The following POLN variants were observed in gnomAD, a reference collection of about 807,000 sequenced individuals.
POLN encodes the protein DNA polymerase N.
In POLN, 108 loss-of-function variants were observed where a neutral mutation model predicts 113.5. The ratio of observed to expected loss-of-function variants is 0.95; its 90% CI spans 0.81 to 1.12. The LOEUF (loss-of-function observed/expected upper bound fraction) is 1.12, where lower values mean the gene tolerates loss of function less well. Ranked by LOEUF, POLN falls within the 50% of genes most tolerant of loss-of-function variation. The pLI is 0.00. For missense variants in POLN, 1,097 were observed against 1,077.1 expected, an observed-to-expected ratio of 1.02 and a Z score of -0.26; for synonymous variants, 386 against 391.5, an observed-to-expected ratio of 0.99 and a Z score of 0.17.
chr4:2,122,874 C>T (rs567909987), intron 19 of POLN, among the ~76,000 whole-genome samples: 35 of 152,196 alleles, frequency 2.3e-4, no homozygotes, highest in African/African-American at 7.9e-4. Flanking sequence ...GCACACAGAC[C>T]AGGGGCGGTA....
chr4:2,220,912 A>G (rs1484322390), intron 3 of POLN, among the ~76,000 whole-genome samples: 1 of 152,228 alleles, frequency 6.6e-6, no homozygotes, highest in African/African-American at 2.4e-5. Flanking sequence ...ATAACTATAC[A>G]AAAAGATCTG....
chr4:2,150,860 A>T (rs1296060272), intron 16 of POLN, among the ~76,000 whole-genome samples: 2 of 152,202 alleles, frequency 1.3e-5, no homozygotes, highest in Admixed American at 6.5e-5. Flanking sequence ...AAAGCCCAAA[A>T]CTATAATACG....
At chr4:2,170,988 T>G (rs1732846766) in intron 12 of POLN, 110 bp downstream of exon 12, 1 of 1,078,606 alleles carries the variant, frequency 9.3e-7, no homozygotes, top group Non-Finnish European at 1.4e-6. Flanking sequence ...CATGAAAAAC[T>G]TACTTTTCAG....
intron 8 of POLN, among the ~76,000 whole-genome samples, chr4:2,176,798 C>A (rs1577743526): frequency 6.6e-6 from 1 of 152,236 alleles, no homozygotes; most frequent in South Asian, 2.1e-4. Flanking sequence ...CACAGAGGCC[C>A]TGGGAGATGA....
At chr4:2,081,541 C>T (rs1383386773) in intron 22 of POLN, 92 bp downstream of exon 22, 9 of 1,223,666 alleles carry the variant, frequency 7.4e-6, no homozygotes, top group Middle Eastern at 1.9e-4. Flanking sequence ...GGAAATACCG[C>T]AACAGTGATC....
chr4:2,228,170 T>C (rs559083314), intron 3 of POLN: 9 of 158,966 alleles, frequency 5.7e-5, no homozygotes, highest in African/African-American at 2.2e-4. Context: ...TACCTTATTT[T>C]GTAGAAAGAG....
intron 18 of POLN, among the ~76,000 whole-genome samples, chr4:2,128,958 G>A (rs1237757512): frequency 3.3e-5 from 5 of 151,638 alleles, no homozygotes; most frequent in African/African-American, 1.2e-4. Flanking sequence ...GGGAGGTTGA[G>A]GCAGGAGAAT....
intron 8 of POLN, among the ~76,000 whole-genome samples, chr4:2,178,121 A>G (rs1271150997): frequency 6.6e-6 from 1 of 152,256 alleles, no homozygotes; most frequent in Non-Finnish European, 1.5e-5. Context: ...GATGAAGTAC[A>G]TGAGGCAAAT....
chr4:2,195,846 T>C (rs911598733), intron 6 of POLN, among the ~76,000 whole-genome samples: 1 of 152,170 alleles, frequency 6.6e-6, no homozygotes, highest in Non-Finnish European at 1.5e-5. Context: ...TTTTAGCCAC[T>C]AAATGTGGAA....
chr4:2,174,869 T>C (rs143875382), intron 9 of POLN, 118 bp from the exon 10 acceptor site: 8 of 701,792 alleles, frequency 1.1e-5, no homozygotes, highest in African/African-American at 9.1e-5. Context: ...GCTGCCCAGG[T>C]TGGAGTGCAG....
At chr4:2,215,379 G>A (rs1379758566) in intron 3 of POLN, among the ~76,000 whole-genome samples, 1 of 152,158 alleles carries the variant, frequency 6.6e-6, no homozygotes, top group African/African-American at 2.4e-5. Context: ...CCACCTCTGT[G>A]ATGAAGGTTT....
chr4:2,142,492 C>A (rs929912932), intron 16 of POLN, among the ~76,000 whole-genome samples: 3 of 152,198 alleles, frequency 2.0e-5, no homozygotes, highest in African/African-American at 7.2e-5. Flanking sequence ...TCCCAAGATA[C>A]AACTAAAACC....
In POLN at chr4:2,170,752, A is replaced by C; in HGVS notation, c.1481T>G (p.Leu494Arg). 1 of 1,614,208 alleles carries C rather than the reference A, an allele frequency of 6.2e-7. No individual in the cohort carries two copies. The change falls in exon 13 of 26, where the codon CTG becomes CGG. Residue 494 changes from leucine (L) to arginine (R), a missense_variant. Leu to Arg is a moderately radical substitution (Grantham distance 102, BLOSUM62 -2). Coordinates refer to ENST00000511885, the MANE Select transcript of POLN (RefSeq NM_181808.4). ...ACTGTTCCTTTGACTCAGCAGGTGC[A>C]GCTTTAACTTGCCAAAGAGGATCTT... ...LREILFGKLKLHLLSQRNSLP... is the reference protein window; with the variant it reads ...LREILFGKLKRHLLSQRNSLP...
At chr4:2,137,888 G>T (rs1021414238) in intron 16 of POLN, among the ~76,000 whole-genome samples, 1 of 152,170 alleles carries the variant, frequency 6.6e-6, no homozygotes, top group Non-Finnish European at 1.5e-5. Flanking sequence ...ACCCAGGCTG[G>T]AGTGCAGTGG....
At chr4:2,194,945 C>T (rs1733538905) in intron 6 of POLN, among the ~76,000 whole-genome samples, 1 of 151,546 alleles carries the variant, frequency 6.6e-6, no homozygotes. Flanking sequence ...TGCACACATA[C>T]ATATATATAT....
intron 2 of POLN, 48 bp from the exon 3 acceptor site, chr4:2,229,291 A>G: frequency 7.2e-7 from 1 of 1,383,714 alleles, no homozygotes; most frequent in Non-Finnish European, 9.8e-7. Context: ...TAATCCTAAG[A>G]CTATAAAACA....
At chr4:2,121,198 G>A (rs1021170470) in intron 19 of POLN, among the ~76,000 whole-genome samples, 5 of 152,126 alleles carry the variant, frequency 3.3e-5, no homozygotes, top group Non-Finnish European at 2.9e-5. Context: ...ACTCTGGGAG[G>A]CGGAGGCAGG....
intron 13 of POLN, among the ~76,000 whole-genome samples, chr4:2,165,758 T>C (rs1035311841): frequency 6.6e-6 from 1 of 152,046 alleles, no homozygotes. Flanking sequence ...TCAATTTTAC[T>C]GTGAACCTAA....
At chr4:2,231,888 A>C (rs957506079) in intron 2 of POLN, 2 of 879,778 alleles carry the variant, frequency 2.3e-6, no homozygotes, top group South Asian at 3.1e-5. Context: ...CTAATAAATA[A>C]AAGAGGACAC....
Sources: gnomAD v4.1 joint callset for allele counts (sites outside exome capture counted in the v4.1 genomes callset) on GRCh38, gnomAD v4.1.1 for gene constraint, MANE v1.5 for transcripts, NCBI Gene and HGNC (gene_info 2026-07-23, HGNC 2026-07-21) for gene names.